ABCB1: variants seen among roughly 807,000 people sequenced by gnomAD.
ABCB1 encodes the protein ATP binding cassette subfamily B member 1.
Under a neutral mutation model 142.0 loss-of-function variants are expected in ABCB1, and 69 were observed. The ratio of observed to expected loss-of-function variants is 0.49; its 90% CI spans 0.40 to 0.59. The LOEUF (loss-of-function observed/expected upper bound fraction) is 0.59. Among genes scored for constraint, ABCB1 ranks in the 20% least tolerant of loss-of-function variants. ABCB1 has a pLI of 0.00. For missense variants in ABCB1, 1,326 were observed against 1,554.7 expected (o/e 0.85, Z 2.47); for synonymous variants, 532 against 539.2 (o/e 0.99, Z 0.18).
At chr7:87,574,524 C>T (rs1202180) in intron 4 of ABCB1, among the ~76,000 whole-genome samples, 105,345 of 152,036 alleles carry the variant, frequency 0.69, 36,906 homozygotes, top group East Asian at 0.98. Context: ...TCAACTCACT[C>T]CACTCCCCCA....
chr7:87,504,923 C>A (rs1325679402), intron 27 of ABCB1, among the ~76,000 whole-genome samples: 1 of 151,710 alleles, frequency 6.6e-6, no homozygotes, highest in Non-Finnish European at 1.5e-5. Context: ...GATGACTGAA[C>A]CCTAATTTGG....
rs1288374568 is a variant in ABCB1, at chr7:87,570,209, T to C, written c.301A>G (p.Thr101Ala). 6.2e-7 allele frequency: 1 copy of C among 1,613,010 alleles called. No homozygotes were observed. Among genetic ancestry groups the C allele is most frequent in the Admixed American group, 1.7e-5 (1 of 60,026 alleles). Residue 101 changes from threonine to alanine, a missense_variant, in exon 5 of 28, where the codon ACA (threonine) becomes GCA (alanine). Coordinates refer to ENST00000622132, the MANE Select transcript of ABCB1 (RefSeq NM_001348946.2). ...NITNRSDIND[T>A]GFFMNLEEDM... ...TCCTCCAGATTCATGAAGAACCCTG[T>C]ATCATTGATATCACCTAGACCACCA...
intron 3 of ABCB1, among the ~76,000 whole-genome samples, chr7:87,591,335 T>G (rs1458461037): frequency 6.6e-6 from 1 of 152,186 alleles, no homozygotes; most frequent in African/African-American, 2.4e-5. Context: ...CTTGTGTTGT[T>G]TTAAGCCACT....
chr7:87,539,742 C>G (rs1421144839), intron 18 of ABCB1, among the ~76,000 whole-genome samples: 1 of 152,178 alleles, frequency 6.6e-6, no homozygotes, highest in Non-Finnish European at 1.5e-5. Flanking sequence ...ATTTTGCTAT[C>G]TCTAGACTTC....
intron 1 of ABCB1, chr7:87,627,924 G>A (rs1482566545): frequency 6.6e-6 from 1 of 152,324 alleles, no homozygotes; most frequent in African/African-American, 2.4e-5. Context: ...GAGATTCTAC[G>A]AGCAATTCCC....
At chr7:87,578,619 T>C (rs1172829441) in intron 4 of ABCB1, among the ~76,000 whole-genome samples, 1 of 152,154 alleles carries the variant, frequency 6.6e-6, no homozygotes, top group Non-Finnish European at 1.5e-5. Flanking sequence ...ATTGTAGAGA[T>C]CTCTCATTTA....
At chr7:87,675,210 G>A (rs1439588586) in intron 1 of ABCB1, among the ~76,000 whole-genome samples, 1 of 152,196 alleles carries the variant, frequency 6.6e-6, no homozygotes, top group Non-Finnish European at 1.5e-5. Context: ...TCCACCCAGT[G>A]TCTGCTTCCT....
intron 23 of ABCB1, 137 bp from the exon 24 acceptor site, chr7:87,516,802 T>TC: frequency 1.1e-6 from 1 of 877,760 alleles, no homozygotes; most frequent in Non-Finnish European, 1.7e-6. Context: ...AGTAGTGCAA[T>TC]CAGAGCTCAC....
At chr7:87,582,374 T>C (rs532318631) in intron 4 of ABCB1, among the ~76,000 whole-genome samples, 1 of 152,262 alleles carries the variant, frequency 6.6e-6, no homozygotes, top group African/African-American at 2.4e-5. Flanking sequence ...TCCAATGCAT[T>C]TTATTTATCT....
chr7:87,711,923 GA>G (rs1014542150), intron 1 of ABCB1, among the ~76,000 whole-genome samples: 3 of 151,996 alleles, frequency 2.0e-5, no homozygotes, highest in Admixed American at 1.3e-4. Flanking sequence ...AGTTTTGATA[GA>G]AAAAAATAAG....
In ABCB1 at chr7:87,519,386, C is replaced by T. The variant is rs201357626; in HGVS notation, c.2867G>A (p.Cys956Tyr). ...CACCAAGTAGGCTCCAAACCGGAAA[C>T]ATCCAGCATAGGAAAAATACATCAT... ...QAMMYFSYAG[C>Y]FRFGAYLVAH... The change falls in exon 23 of 28, where the codon TGT becomes TAT. Residue 956 changes from cysteine to tyrosine, a missense_variant. Coordinates refer to ENST00000622132, the MANE Select transcript of ABCB1 (RefSeq NM_001348946.2). 6.2e-7 allele frequency: 1 copy of T among 1,614,134 alleles called. No individual in the cohort carries two copies. Among genetic ancestry groups the T allele is most frequent in the South Asian group, 1.1e-5 (1 of 91,086 alleles).
intron 1 of ABCB1, among the ~76,000 whole-genome samples, chr7:87,689,681 A>G (rs1827833351): frequency 6.6e-6 from 1 of 152,144 alleles, no homozygotes; most frequent in Admixed American, 6.6e-5. Context: ...TCATTTTAGG[A>G]GGGTATCATA....
Position 87,549,437 on chromosome 7 carries a change from C to T in ABCB1, c.1636G>A (p.Val546Ile). 11 of 1,614,192 alleles carry T rather than the reference C, an allele frequency of 6.8e-6. No homozygotes were observed. The highest frequency in any genetic ancestry group is 8.5e-6 in the Non-Finnish European group (10 of 1,180,048). The change falls in exon 14 of 28, where the codon GTT becomes ATT. Residue 546 changes from valine (V) to isoleucine (I), a missense_variant. Transcript: ENST00000622132. ...KQRIAIARAL[V>I]RNPKILLLDE... ...AGCAGGAGGATCTTGGGGTTGCGAACCAGGGCACGTGCAATGGCGATCCTC... is the reference window on the plus strand; with the variant it reads ...AGCAGGAGGATCTTGGGGTTGCGAATCAGGGCACGTGCAATGGCGATCCTC...
chr7:87,686,192 C>T (rs1212510937), intron 1 of ABCB1, among the ~76,000 whole-genome samples: 1 of 152,158 alleles, frequency 6.6e-6, no homozygotes, highest in Non-Finnish European at 1.5e-5. Context: ...TTACCTCATT[C>T]ATTCTCTTAT....
At chr7:87,526,803 C>G (rs563998043) in intron 21 of ABCB1, among the ~76,000 whole-genome samples, 1 of 152,278 alleles carries the variant, frequency 6.6e-6, no homozygotes, top group South Asian at 2.1e-4. Context: ...ATACTGGCAG[C>G]TGAGGCTTAT....
chr7:87,705,099 T>C (rs1829469326), intron 1 of ABCB1, among the ~76,000 whole-genome samples: 1 of 152,182 alleles, frequency 6.6e-6, no homozygotes. Flanking sequence ...TAGAAGCTTG[T>C]CACCATGGAC....
rs1347495385 is a variant in ABCB1, at chr7:87,564,230, A to C, written c.702+1840T>G. 2.0e-5 allele frequency: 8 copies of C among 409,116 alleles called. No individual in the cohort carries two copies. In the Admixed American group the frequency reaches 2.2e-4, roughly 12 times the overall value. 25.3% of individuals were successfully genotyped at this position (409,116 alleles called of 1,614,324 possible). ...CTCTAGCCGGCAGTTGTTCCATTGA[A>C]GTTTAGCATGATAGTATTGGTCTAC... On this transcript the variant is annotated intron_variant, in intron 7 of 27. Transcript: ENST00000622132.
Position 87,536,611 on chromosome 7 carries a change from ATGG to A in ABCB1, c.2398-73_2398-71del. ...GACTCTCAGCTCCAAGAGGGCAGCGATGGGGTCAGTTTTGTTTATACTTATACC... is the reference window on the plus strand; with the variant it reads ...GACTCTCAGCTCCAAGAGGGCAGCGAGGTCAGTTTTGTTTATACTTATACC... On this transcript the variant is annotated intron_variant, in intron 19 of 27. Coordinates refer to ENST00000622132, the MANE Select transcript of ABCB1 (RefSeq NM_001348946.2). The A allele has an allele frequency of 2.8e-6, 4 of 1,441,854 alleles. No homozygotes were observed. The South Asian group carries it at 4.6e-5, about 17-fold the overall frequency. The allele number at this position is 1,441,854 out of a possible 1,614,324, so 89.3% of individuals were successfully genotyped here.
At chr7:87,677,832 G>T (rs1032312104) in intron 1 of ABCB1, among the ~76,000 whole-genome samples, 1 of 152,170 alleles carries the variant, frequency 6.6e-6, no homozygotes, top group Non-Finnish European at 1.5e-5. Flanking sequence ...GGGAACAACA[G>T]TTCAAGTGAA....
Sources: gnomAD v4.1 joint callset for allele counts (sites outside exome capture counted in the v4.1 genomes callset) on GRCh38, gnomAD v4.1.1 for gene constraint, MANE v1.5 for transcripts, NCBI Gene and HGNC (gene_info 2026-07-23, HGNC 2026-07-21) for gene names.